ZNF12: variants seen among roughly 807,000 people sequenced by gnomAD.
The protein encoded by ZNF12 is gonadotropin inducible transcription repressor 3.
In ZNF12, 34 loss-of-function variants were observed where a neutral mutation model predicts 66.6. The ratio of observed to expected loss-of-function variants is 0.51; its 90% CI spans 0.39 to 0.68. The LOEUF (loss-of-function observed/expected upper bound fraction) is 0.68. Among genes scored for constraint, ZNF12 ranks in the 30% least tolerant of loss-of-function variants. The pLI, the probability that ZNF12 is intolerant of heterozygous loss-of-function variation, is 0.00. For missense variants in ZNF12, 697 were observed against 826.9 expected, an observed-to-expected ratio of 0.84 and a Z score of 1.93; for synonymous variants, 320 against 278.9, an observed-to-expected ratio of 1.15 and a Z score of -1.47.
At position 6,706,620 on chromosome 7, in the gene ZNF12, G is replaced by A. The variant is rs1411117597; in HGVS notation, c.-239C>T. Reference sequence around the variant, plus strand: ...GGCGTCCCTCCCGGAGCCCAGATCCGTCTCCCTGGGGCTCACCGTCCTGCG... The same window carrying A: ...GGCGTCCCTCCCGGAGCCCAGATCCATCTCCCTGGGGCTCACCGTCCTGCG... On this transcript the variant is annotated 5_prime_UTR_variant, in exon 1 of 5. It adds an upstream start codon to the 5' untranslated region. Coordinates refer to ENST00000405858, the MANE Select transcript of ZNF12 (RefSeq NM_016265.4). 6 of 449,802 alleles carry A rather than the reference G, an allele frequency of 1.3e-5. No individual in the cohort carries two copies. The highest frequency in any genetic ancestry group is 2.7e-5 in the Non-Finnish European group (6 of 224,274). The allele number at this position is 449,802 out of a possible 1,614,324, so 27.9% of individuals were successfully genotyped here.
rs976231493 is a variant in ZNF12, at chr7:6,697,110, G to C, written c.238+229C>G. ...GAGCAAGCAAAGACCCAAAGTTTAA[G>C]AGAACAACAGAAGTGACTGGAATTC... On this transcript the variant is annotated intron_variant, in intron 4 of 4. Coordinates refer to ENST00000405858, the MANE Select transcript of ZNF12 (RefSeq NM_016265.4). The surrounding 1 kb of genome is among the most constrained non-coding windows in gnomAD (Gnocchi z 6.1). Among the ~76,000 whole-genome samples the C allele has an allele frequency of 1.3e-5, 2 of 152,072 alleles. No individual in the cohort carries two copies. The highest frequency in any genetic ancestry group is 6.6e-5 in the Admixed American group (1 of 15,258).
intron 2 of ZNF12, among the ~76,000 whole-genome samples, chr7:6,699,618 G>A (rs1294285314): frequency 6.6e-6 from 1 of 152,188 alleles, no homozygotes; most frequent in Non-Finnish European, 1.5e-5. Context: ...GGAGAGTCTC[G>A]AAGTTCACGT....
chr7:6,697,650 A>G lies in ZNF12; in HGVS notation c.142+35T>C, dbSNP rs1435339998. On this transcript the variant is annotated intron_variant, in intron 3 of 4. Coordinates refer to ENST00000405858, the MANE Select transcript of ZNF12 (RefSeq NM_016265.4). The surrounding 1 kb of genome is among the most constrained non-coding windows in gnomAD (Gnocchi z 6.1). ...TCATAAAATTTGTGAGAAATCCCAT[A>G]TATTTTAGCAACTGAGAAAGCAAGC... 6.2e-7 allele frequency: 1 copy of G among 1,612,260 alleles called. No individual in the cohort carries two copies. The highest frequency in any genetic ancestry group is 1.7e-5 in the Admixed American group (1 of 59,722).
In ZNF12 at chr7:6,706,922, G is replaced by C. The variant is rs1317423446; in HGVS notation, c.-541C>G. 2 of 413,072 alleles carry C rather than the reference G, an allele frequency of 4.8e-6. No homozygotes were observed. Among genetic ancestry groups the C allele is most frequent in the Non-Finnish European group, 9.6e-6 (2 of 207,956 alleles). 25.6% of individuals were successfully genotyped at this position (413,072 alleles called of 1,614,324 possible). A position where few individuals can be genotyped will look rare whatever the true frequency, so the allele number is the denominator to read the frequency against. On this transcript the variant is annotated 5_prime_UTR_variant, in exon 1 of 5. Coordinates refer to ENST00000405858, the MANE Select transcript of ZNF12 (RefSeq NM_016265.4). ...TGGGAACTAGGGCGAGCGGTGACCT[G>C]GGGACGCACAGGAAGCGAGGGCACT...
intron 2 of ZNF12, among the ~76,000 whole-genome samples, chr7:6,699,454 C>T (rs1780200745): frequency 6.6e-6 from 1 of 152,152 alleles, no homozygotes; most frequent in South Asian, 2.1e-4. Flanking sequence ...GCTGATGGGA[C>T]ACACGGTGGG....
At chr7:6,704,740 CAA>C (rs949897713) in intron 2 of ZNF12, among the ~76,000 whole-genome samples, 3,002 of 31,256 alleles carry the variant, frequency 0.096, 4 homozygotes, top group Non-Finnish European at 0.14. Flanking sequence ...TACTTGGTCT[CAA>C]AAAAAAAAAA....
rs762952063 is a variant in ZNF12, at chr7:6,692,653, T to A, written c.289A>T (p.Asn97Tyr). Residue 97 changes from asparagine (N) to tyrosine (Y), a missense_variant, in exon 5 of 5, where the codon AAT (asparagine) becomes TAT (tyrosine). By Grantham distance (143) the Asn-to-Tyr change is moderately radical (BLOSUM62 -2). Coordinates refer to ENST00000405858, the MANE Select transcript of ZNF12 (RefSeq NM_016265.4). This position sits in a 1 kb window ranked among gnomAD's most constrained non-coding sequence, Gnocchi z 5.1. ...DLIERIQEEE[N>Y]KPSRQTVFIE... ...AACACAGTTTGCCTTGAAGGTTTAT[T>A]TTCCTCTTCCTGGATTCTCTCTATT... The A allele has an allele frequency of 1.9e-6, 3 of 1,609,582 alleles. No individual in the cohort carries two copies. Among genetic ancestry groups the A allele is most frequent in the Non-Finnish European group, 2.5e-6 (3 of 1,178,622 alleles).
At position 6,696,481 on chromosome 7, in the gene ZNF12, T is replaced by G. The variant is rs1199818395; in HGVS notation, c.238+858A>C. Among the ~76,000 whole-genome samples the G allele has an allele frequency of 1.3e-5, 2 of 152,140 alleles. No individual in the cohort carries two copies. The highest frequency in any genetic ancestry group is 2.9e-5 in the Non-Finnish European group (2 of 68,024). On this transcript the variant is annotated intron_variant, in intron 4 of 4. Transcript: ENST00000405858. This position sits in a 1 kb window ranked among gnomAD's most constrained non-coding sequence, Gnocchi z 4.0. ...GACTAGAGCCCAGGCTCAATGGTGG[T>G]AGAGATGTCATCCTGGGTGCGAGCA...
intron 4 of ZNF12, among the ~76,000 whole-genome samples, chr7:6,694,166 CAAAA>C (rs753121327): frequency 7.2e-6 from 1 of 139,454 alleles, no homozygotes; most frequent in Non-Finnish European, 1.6e-5. Flanking sequence ...GAATCTGTCT[CAAAA>C]AAAAAAACAA....
chr7:6,697,806 T>C lies in ZNF12; in HGVS notation c.21A>G (p.Pro7=). 6.2e-7 allele frequency: 1 copy of C among 1,614,160 alleles called. No homozygotes were observed. Among genetic ancestry groups the C allele is most frequent in the Non-Finnish European group, 8.5e-7 (1 of 1,180,046 alleles). ...CCACAGCCACGTCCTTGAATGACAC[T>C]GGCCCCTGAAATGGCACCGTGATTG... is the stretch of plus-strand genomic sequence containing the variant. The part of the protein sequence containing the change: MNKSLG[P]VSFKDVAVDF... The change falls in exon 3 of 5, where the codon CCA becomes CCG. Residue 7 remains proline (P), a synonymous_variant. Transcript: ENST00000405858. The surrounding 1 kb of genome is among the most constrained non-coding windows in gnomAD (Gnocchi z 6.1).
Position 6,705,097 on chromosome 7 carries a change from TCTC to T in ZNF12, c.15+59_15+61del. On this transcript the variant is annotated intron_variant, in intron 2 of 4. Coordinates refer to ENST00000405858, the MANE Select transcript of ZNF12 (RefSeq NM_016265.4). This position sits in a 1 kb window ranked among gnomAD's most constrained non-coding sequence, Gnocchi z 4.0. ...CCCATTTTAAACTTTGAACCCTTAA[TCTC>T]CTCCTAAGGTGTATTGTAAATCAGA... 1.3e-6 allele frequency: 2 copies of T among 1,572,684 alleles called. No individual in the cohort carries two copies. The highest frequency in any genetic ancestry group is 2.3e-5 in the South Asian group (2 of 86,240).
In ZNF12 at chr7:6,697,557, C is replaced by G. The variant is rs1262422958; in HGVS notation, c.143-123G>C. 2 of 1,531,608 alleles carry G rather than the reference C, an allele frequency of 1.3e-6. No homozygotes were observed. Among genetic ancestry groups the G allele is most frequent in the East Asian group, 2.3e-5 (1 of 44,350 alleles). 94.9% of individuals were successfully genotyped at this position (1,531,608 alleles called of 1,614,324 possible). On this transcript the variant is annotated intron_variant, in intron 3 of 4. Transcript: ENST00000405858. The surrounding 1 kb of genome is among the most constrained non-coding windows in gnomAD (Gnocchi z 6.1). ...GAACTTTTCACGGGGGAGATCAAGA[C>G]CAAAATGCCCTGCCTGGTGCCCAAA...
At position 6,692,155 on chromosome 7, in the gene ZNF12, G is replaced by C; in HGVS notation, c.787C>G (p.His263Asp). 6.2e-7 allele frequency: 1 copy of C among 1,614,144 alleles called. No individual in the cohort carries two copies. Among genetic ancestry groups the C allele is most frequent in the Non-Finnish European group, 8.5e-7 (1 of 1,180,008 alleles). The change falls in exon 5 of 5, where the codon CAT (histidine) becomes GAT (aspartate). Residue 263 changes from histidine (H) to aspartate (D), a missense_variant. By Grantham distance (81) the His-to-Asp change is moderately conservative. Coordinates refer to ENST00000405858, the MANE Select transcript of ZNF12 (RefSeq NM_016265.4). This position sits in a 1 kb window ranked among gnomAD's most constrained non-coding sequence, Gnocchi z 5.1. ...CATTCATAGGGCTTCATTTCCATAT[G>C]AGATGTCTGATGTACAGTGAGGTCC... ...MSDLTVHQTS[H>D]MEMKPYECSE...
rs572346716 is a variant in ZNF12, at chr7:6,698,272, T to C, written c.16-461A>G. 0.33 allele frequency among the ~76,000 whole-genome samples: 54 copies of C among 164 alleles called. No individual in the cohort carries two copies. The highest frequency in any genetic ancestry group is 0.47 in the African/African-American group (53 of 112). The allele number at this position is 164 out of a possible 152,430, so 0.1% of individuals were successfully genotyped here. On this transcript the variant is annotated intron_variant, in intron 2 of 4. Coordinates refer to ENST00000405858, the MANE Select transcript of ZNF12 (RefSeq NM_016265.4). This position sits in a 1 kb window ranked among gnomAD's most constrained non-coding sequence, Gnocchi z 4.4. Reference sequence around the variant, plus strand: ...CCTCTACTCCAAGTCATCCTGAATGTTGTGGGCCTACGGCTGTCTTGAGTC... The same window carrying C: ...CCTCTACTCCAAGTCATCCTGAATGCTGTGGGCCTACGGCTGTCTTGAGTC...
chr7:6,700,226 A>G (rs1019587404), intron 2 of ZNF12, among the ~76,000 whole-genome samples: 2 of 151,032 alleles, frequency 1.3e-5, no homozygotes, highest in Non-Finnish European at 2.9e-5. Flanking sequence ...TGGAGCTTGC[A>G]GTGAGCCGAG....
Position 6,697,861 on chromosome 7 carries a change from G to A in ZNF12, c.16-50C>T, listed in dbSNP as rs372495360. 6 of 1,610,626 alleles carry A rather than the reference G, an allele frequency of 3.7e-6. No homozygotes were observed. Among genetic ancestry groups the A allele is most frequent in the Non-Finnish European group, 5.1e-6 (6 of 1,177,592 alleles). ...TGGGTGACGTGAAATAGGCACATAG[G>A]TACAAGATCTTAGCATGCTCACTGG... is the stretch of plus-strand genomic sequence containing the variant. On this transcript the variant is annotated intron_variant, in intron 2 of 4. Transcript: ENST00000405858. The surrounding 1 kb of genome is among the most constrained non-coding windows in gnomAD (Gnocchi z 6.1).
At position 6,698,293 on chromosome 7, in the gene ZNF12, G is replaced by C. The variant is rs749012865; in HGVS notation, c.16-482C>G. 6.6e-6 allele frequency among the ~76,000 whole-genome samples: 1 copy of C among 151,988 alleles called. No individual in the cohort carries two copies. The highest frequency in any genetic ancestry group is 1.5e-5 in the Non-Finnish European group (1 of 68,030). ...AATGTTGTGGGCCTACGGCTGTCTTGAGTCTTTTTCTCTTTGCTGTCTGTA... is the reference window on the plus strand; with the variant it reads ...AATGTTGTGGGCCTACGGCTGTCTTCAGTCTTTTTCTCTTTGCTGTCTGTA... On this transcript the variant is annotated intron_variant, in intron 2 of 4. Coordinates refer to ENST00000405858, the MANE Select transcript of ZNF12 (RefSeq NM_016265.4). This position sits in a 1 kb window ranked among gnomAD's most constrained non-coding sequence, Gnocchi z 4.4.
rs1780340087 is a variant in ZNF12, at chr7:6,705,551, T to A, written c.-50-328A>T. ...CTGGCCAACATGGTGAAACCCCATG[T>A]CTAGTAAAAATACAAAAATTAGCTG... On this transcript the variant is annotated intron_variant, in intron 1 of 4. Coordinates refer to ENST00000405858, the MANE Select transcript of ZNF12 (RefSeq NM_016265.4). This position sits in a 1 kb window ranked among gnomAD's most constrained non-coding sequence, Gnocchi z 4.0. Among the ~76,000 whole-genome samples the A allele has an allele frequency of 6.6e-6, 1 of 152,164 alleles. No homozygotes were observed. Among genetic ancestry groups the A allele is most frequent in the Non-Finnish European group, 1.5e-5 (1 of 68,020 alleles).
chr7:6,706,457 C>G lies in ZNF12; in HGVS notation c.-76G>C. 2.1e-6 allele frequency: 1 copy of G among 478,476 alleles called. No individual in the cohort carries two copies. Among genetic ancestry groups the G allele is most frequent in the South Asian group, 1.5e-5 (1 of 66,252 alleles). 29.6% of individuals were successfully genotyped at this position (478,476 alleles called of 1,614,324 possible). On this transcript the variant is annotated 5_prime_UTR_variant, in exon 1 of 5. Coordinates refer to ENST00000405858, the MANE Select transcript of ZNF12 (RefSeq NM_016265.4). Reference sequence around the variant, plus strand: ...CCTCCTGGGGCTCCGCAGCCTCTGCCCCACCGCTCCCGACAGGCCGGGGCG... The same window carrying G: ...CCTCCTGGGGCTCCGCAGCCTCTGCGCCACCGCTCCCGACAGGCCGGGGCG...
Sources: allele counts gnomAD v4.1 joint callset (sites outside exome capture counted in the v4.1 genomes callset), GRCh38; gene constraint gnomAD v4.1.1; non-coding constraint Gnocchi (gnomAD v3.1); transcripts MANE v1.5; gene names NCBI Gene and HGNC (gene_info 2026-07-23, HGNC 2026-07-21).